The following CFAP54 variants were observed in gnomAD, a reference collection of about 807,000 sequenced individuals.
CFAP54 encodes the protein cilia and flagella associated protein 54.
A neutral mutation model predicts 370.4 loss-of-function variants in CFAP54; 290 were observed. The observed-to-expected ratio is 0.78, with a 90% CI of 0.71 to 0.86. CFAP54 has a LOEUF of 0.86. Ranked by LOEUF, CFAP54 falls within the 40% of genes least tolerant of loss-of-function variation. The pLI is 0.00. For synonymous variants in CFAP54, 1,206 were observed against 1,236.5 expected (o/e 0.98, Z 0.52); for missense variants, 3,399 against 3,528.7 (o/e 0.96, Z 0.93).
chr12:96,553,912 A>G (rs1955724686), intron 15 of CFAP54, among the ~76,000 whole-genome samples: 1 of 152,124 alleles, frequency 6.6e-6, no homozygotes. Context: ...CAAACCATAA[A>G]TGGAAGTTAT....
At chr12:96,559,233 T>C (rs927545088) in intron 17 of CFAP54, among the ~76,000 whole-genome samples, 4 of 151,978 alleles carry the variant, frequency 2.6e-5, no homozygotes, top group East Asian at 1.9e-4. Flanking sequence ...AATTTAATTA[T>C]ACATTTAAAA....
chr12:96,530,019 A>G (rs1298414134), intron 9 of CFAP54, among the ~76,000 whole-genome samples: 1 of 152,222 alleles, frequency 6.6e-6, no homozygotes, highest in African/African-American at 2.4e-5. Context: ...TACGAAGTAG[A>G]AATCAAGATT....
intron 58 of CFAP54, among the ~76,000 whole-genome samples, chr12:96,760,835 G>A (rs114110744): frequency 2.6e-3 from 389 of 152,224 alleles, no homozygotes; most frequent in African/African-American, 9.1e-3. Context: ...ATATGGATAT[G>A]CCACTTTTTT....
chr12:96,726,738 T>G (rs1443267953), intron 50 of CFAP54, among the ~76,000 whole-genome samples: 1 of 152,202 alleles, frequency 6.6e-6, no homozygotes, highest in African/African-American at 2.4e-5. Flanking sequence ...TGTTCACTCT[T>G]GCTTTTCTAG....
At chr12:96,815,942 C>T (rs567451537) in intron 64 of CFAP54, among the ~76,000 whole-genome samples, 22 of 152,240 alleles carry the variant, frequency 1.4e-4, no homozygotes, top group African/African-American at 5.1e-4. Context: ...GGTACCAGTA[C>T]CATGCTGTTT....
At chr12:96,646,780 T>C (rs1956798166) in intron 33 of CFAP54, 1 of 152,172 alleles carries the variant, frequency 6.6e-6, no homozygotes, top group African/African-American at 2.4e-5. Context: ...CCATAAAAAA[T>C]GATGAGTTCA....
Position 96,727,194 on chromosome 12 carries a change from G to A in CFAP54, c.6965+6629G>A, listed in dbSNP as rs1167571472. On this transcript the variant is annotated intron_variant, in intron 50 of 67. Transcript: ENST00000524981. Reference sequence around the variant, plus strand: ...AGTTCTGTAGATGTCTATTAGGTCCGCTTGGTGCAGAGCTGAGTTCAATTC... The same window carrying A: ...AGTTCTGTAGATGTCTATTAGGTCCACTTGGTGCAGAGCTGAGTTCAATTC... 1.5e-4 allele frequency among the ~76,000 whole-genome samples: 23 copies of A among 152,024 alleles called. No homozygotes were observed. The East Asian group carries it at 2.9e-3, about 19-fold the overall frequency.
chr12:96,834,965 G>T (rs1016529650), intron 66 of CFAP54, among the ~76,000 whole-genome samples: 2 of 152,244 alleles, frequency 1.3e-5, no homozygotes, highest in African/African-American at 4.8e-5. Context: ...GTCCCAATGA[G>T]TGTTTAGCTC....
chr12:96,660,272 C>A (rs745514819), intron 38 of CFAP54, among the ~76,000 whole-genome samples: 80 of 152,258 alleles, frequency 5.3e-4, no homozygotes, highest in South Asian at 2.3e-3. Flanking sequence ...AAACAAGGGG[C>A]ATGGGAGAAA....
intron 36 of CFAP54, among the ~76,000 whole-genome samples, chr12:96,653,547 A>G (rs944114745): frequency 1.3e-5 from 2 of 152,230 alleles, no homozygotes; most frequent in African/African-American, 4.8e-5. Context: ...AAGAAAACAC[A>G]AGAGAAATTA....
chr12:96,874,612 C>CTTTTTTTTTTTTTTTTTTTTTTTTTTT (rs879517925), intron 67 of CFAP54, among the ~76,000 whole-genome samples: 1 of 40,058 alleles, frequency 2.5e-5, no homozygotes, highest in African/African-American at 9.6e-5. Context: ...GGGATCTCTG[C>CTTTTTTTTTTTTTTTTTTTTTTTTTTT]TTTTTTTTAT....
intron 32 of CFAP54, among the ~76,000 whole-genome samples, chr12:96,633,100 TAC>T (rs1956625618): frequency 6.6e-6 from 1 of 152,182 alleles, no homozygotes; most frequent in Non-Finnish European, 1.5e-5. Context: ...TATTTGTAGA[TAC>T]AGTTTTTTTG....
chr12:96,586,271 C>CATA (rs1956075440), intron 22 of CFAP54, among the ~76,000 whole-genome samples: 1 of 151,866 alleles, frequency 6.6e-6, no homozygotes, highest in Non-Finnish European at 1.5e-5. Flanking sequence ...ATGCTGAGGC[C>CATA]CAGGGACCAT....
In CFAP54 at chr12:96,527,278, A is replaced by G; in HGVS notation, c.1191A>G (p.Leu397=). The change falls in exon 9 of 68, where the codon CTA becomes CTG. Residue 397 remains leucine (L), a synonymous_variant. Coordinates refer to ENST00000524981, the MANE Select transcript of CFAP54 (RefSeq NM_001306084.2). The part of the protein sequence containing the change: ...LSWPRTVTER[L]LDEMFDSTAS... The stretch of plus-strand genomic sequence containing the variant: ...GGCCACGAACTGTCACAGAGCGGCT[A>G]CTGGATGAGATGTTTGATAGCACTG... 1.3e-6 allele frequency: 2 copies of G among 1,529,678 alleles called. No individual in the cohort carries two copies. Among genetic ancestry groups the G allele is most frequent in the East Asian group, 2.4e-5 (1 of 40,834 alleles). The allele number at this position is 1,529,678 out of a possible 1,614,324, so 94.8% of individuals were successfully genotyped here.
At chr12:96,660,118 G>T (rs1467563296) in intron 38 of CFAP54, among the ~76,000 whole-genome samples, 1 of 152,204 alleles carries the variant, frequency 6.6e-6, no homozygotes, top group African/African-American at 2.4e-5. Context: ...GGGTGATCTA[G>T]AAGACTTCTT....
At chr12:96,756,063 A>G (rs1421201221) in intron 56 of CFAP54, among the ~76,000 whole-genome samples, 1 of 152,204 alleles carries the variant, frequency 6.6e-6, no homozygotes, top group East Asian at 1.9e-4. Context: ...TACAATGAAC[A>G]TGGGAGGGCA....
intron 32 of CFAP54, among the ~76,000 whole-genome samples, chr12:96,639,059 G>T (rs1311023190): frequency 6.6e-6 from 1 of 152,062 alleles, no homozygotes; most frequent in Non-Finnish European, 1.5e-5. Flanking sequence ...GCTTTCTCTT[G>T]TGGGCATTTA....
At chr12:96,829,738 A>G (rs1258017346) in intron 66 of CFAP54, among the ~76,000 whole-genome samples, 31 of 151,850 alleles carry the variant, frequency 2.0e-4, no homozygotes, top group Non-Finnish European at 4.4e-5. Context: ...TTAAAGTTTT[A>G]ACCATTTTAA....
At chr12:96,563,925 T>C (rs1352502736) in intron 17 of CFAP54, among the ~76,000 whole-genome samples, 1 of 152,176 alleles carries the variant, frequency 6.6e-6, no homozygotes, top group African/African-American at 2.4e-5. Flanking sequence ...ACCATGATGG[T>C]CAGTCCCAAT....
Sources: allele counts gnomAD v4.1 joint callset (sites outside exome capture counted in the v4.1 genomes callset), GRCh38; gene constraint gnomAD v4.1.1; transcripts MANE v1.5; gene names NCBI Gene and HGNC (gene_info 2026-07-23, HGNC 2026-07-21).